TASP1: variants seen among roughly 807,000 people sequenced by gnomAD.
TASP1 encodes threonine aspartase 1.
TASP1 carries 16 observed loss-of-function variants against 56.6 expected under a neutral mutation model. The ratio of observed to expected loss-of-function variants is 0.28; its 90% CI spans 0.19 to 0.43. The LOEUF is 0.43. Among genes scored for constraint, TASP1 ranks in the 20% least tolerant of loss-of-function variants. The pLI is 1.00. For synonymous variants in TASP1, 179 were observed against 184.2 expected, an observed-to-expected ratio of 0.97 and a Z score of 0.23; for missense variants, 393 against 511.6, an observed-to-expected ratio of 0.77 and a Z score of 2.24.
At chr20:13,275,373 G>A in the TASP1 span, among the ~76,000 whole-genome samples, 1 of 152,100 alleles carries the variant, frequency 6.6e-6, no homozygotes, top group African/African-American at 2.4e-5. Flanking sequence ...ACTTTTAGAG[G>A]AATGGCAGGT....
At chr20:13,541,726 T>G (rs1217707065) in intron 8 of TASP1, among the ~76,000 whole-genome samples, 1 of 151,698 alleles carries the variant, frequency 6.6e-6, no homozygotes, top group African/African-American at 2.4e-5. Flanking sequence ...CAGTAAACAC[T>G]TGTTGAATGG....
At chr20:13,405,259 T>C (rs1451749912) in intron 13 of TASP1, among the ~76,000 whole-genome samples, 1 of 152,216 alleles carries the variant, frequency 6.6e-6, no homozygotes, top group Non-Finnish European at 1.5e-5. Flanking sequence ...GTAAATAGGA[T>C]AACATTTTAA....
chr20:13,126,563 CT>C, the TASP1 span: 2 of 1,611,872 alleles, frequency 1.2e-6, no homozygotes, highest in South Asian at 1.1e-5. Flanking sequence ...TATTTGCCTT[CT>C]TTTTGGGTTT....
intron 6 of TASP1, 49 bp downstream of exon 6, chr20:13,580,848 A>C: frequency 6.3e-7 from 1 of 1,590,474 alleles, no homozygotes; most frequent in East Asian, 2.2e-5. Context: ...CCTTCTGTGG[A>C]TAAAAATGCA....
the TASP1 span, among the ~76,000 whole-genome samples, chr20:13,238,374 C>T: frequency 6.6e-6 from 1 of 152,188 alleles, no homozygotes; most frequent in African/African-American, 2.4e-5. Flanking sequence ...TCACTAAAAT[C>T]AGGCAAAATG....
the TASP1 span, among the ~76,000 whole-genome samples, chr20:13,280,290 G>A: frequency 6.6e-5 from 10 of 151,506 alleles, no homozygotes; most frequent in South Asian, 2.1e-4. Context: ...AGATACGTAC[G>A]GCTGCTTCCT....
chr20:13,110,160 A>G, the TASP1 span: 1 of 1,613,726 alleles, frequency 6.2e-7, no homozygotes, highest in Non-Finnish European at 8.5e-7. Context: ...ATCTATGGCC[A>G]GCCTCGAACC....
chr20:13,221,096 C>T, the TASP1 span, among the ~76,000 whole-genome samples: 1 of 151,952 alleles, frequency 6.6e-6, no homozygotes, highest in African/African-American at 2.4e-5. Context: ...CGGGGCGGCG[C>T]GGCAGGCGGC....
chr20:13,116,108 T>C, the TASP1 span, among the ~76,000 whole-genome samples: 1 of 152,218 alleles, frequency 6.6e-6, no homozygotes, highest in African/African-American at 2.4e-5. Flanking sequence ...ACACAAATGC[T>C]GCACCCAGTG....
the TASP1 span, among the ~76,000 whole-genome samples, chr20:13,264,732 C>T: frequency 6.6e-6 from 1 of 152,140 alleles, no homozygotes; most frequent in South Asian, 2.1e-4. Context: ...TGGTGTTGGA[C>T]CAGGATGTAC....
the TASP1 span, among the ~76,000 whole-genome samples, chr20:13,152,110 A>C: frequency 2.0e-5 from 3 of 152,090 alleles, no homozygotes; most frequent in African/African-American, 7.2e-5. Context: ...GGCTAACAAC[A>C]CAGATTCTGG....
At chr20:13,368,673 G>A in the TASP1 span, 2 of 152,232 alleles carry the variant, frequency 1.3e-5, no homozygotes, top group African/African-American at 4.8e-5. Context: ...GGGACCAGGG[G>A]ATATGGAAGG....
chr20:13,254,127 G>A, the TASP1 span, among the ~76,000 whole-genome samples: 1 of 151,610 alleles, frequency 6.6e-6, no homozygotes, highest in South Asian at 2.1e-4. Context: ...CAGCTACTTG[G>A]GAGACTGAGG....
At chr20:13,538,150 C>T (rs941087380) in intron 8 of TASP1, among the ~76,000 whole-genome samples, 19 of 152,008 alleles carry the variant, frequency 1.2e-4, no homozygotes, top group African/African-American at 3.1e-4. Context: ...TAAAGGCACC[C>T]ACCACCACAC....
At chr20:13,242,651 G>A in the TASP1 span, among the ~76,000 whole-genome samples, 1 of 152,198 alleles carries the variant, frequency 6.6e-6, no homozygotes, top group Non-Finnish European at 1.5e-5. Flanking sequence ...TCTCTTGAAT[G>A]GAGGTGAGAC....
the TASP1 span, among the ~76,000 whole-genome samples, chr20:13,225,069 G>A: frequency 5.7e-4 from 85 of 149,462 alleles, 1 homozygote; most frequent in East Asian, 0.013. Context: ...TAGCCAGGAT[G>A]GTCTCACTCT....
the TASP1 span, among the ~76,000 whole-genome samples, chr20:13,180,163 G>A: frequency 6.6e-6 from 1 of 152,176 alleles, no homozygotes; most frequent in Non-Finnish European, 1.5e-5. Flanking sequence ...GCCTTGGACT[G>A]TAAGCTTCCT....
chr20:13,285,314 GA>G, the TASP1 span, among the ~76,000 whole-genome samples: 4 of 150,532 alleles, frequency 2.7e-5, no homozygotes, highest in East Asian at 3.9e-4. Flanking sequence ...AAAAAGAAAG[GA>G]AAAAAAAAGC....
chr20:13,169,843 T>C, the TASP1 span, among the ~76,000 whole-genome samples: 1 of 152,292 alleles, frequency 6.6e-6, no homozygotes, highest in Non-Finnish European at 1.5e-5. Context: ...CCAGATTGCT[T>C]TGAAGCACAT....
Sources: allele counts gnomAD v4.1 joint callset (sites outside exome capture counted in the v4.1 genomes callset), GRCh38; gene constraint gnomAD v4.1.1; transcripts MANE v1.5; gene names NCBI Gene and HGNC (gene_info 2026-07-23, HGNC 2026-07-21).